The following KANK1 variants were observed in gnomAD, a reference collection of about 807,000 sequenced individuals.
KANK1 encodes KN motif and ankyrin repeat domains 1.
In KANK1, 109 loss-of-function variants were observed where a neutral mutation model predicts 106.2. That is an observed-to-expected ratio of 1.03 (90% CI 0.88 to 1.20). The LOEUF (loss-of-function observed/expected upper bound fraction) is 1.20. KANK1 is among the 50% of genes most tolerant of loss of function. KANK1 has a pLI of 0.00. For synonymous variants in KANK1, 873 were observed against 652.2 expected, an observed-to-expected ratio of 1.34 and a Z score of -5.16; for missense variants, 2,399 against 1,710.7, an observed-to-expected ratio of 1.40 and a Z score of -7.10.
chr9:669,752 C>T (rs759403802), intron 1 of KANK1, among the ~76,000 whole-genome samples: 3 of 151,956 alleles, frequency 2.0e-5, no homozygotes, highest in Admixed American at 6.6e-5. Context: ...CCTTCCTCTA[C>T]CTGGATATTT....
At position 745,790 on chromosome 9, in the gene KANK1, A is replaced by T. The variant is rs1837018466; in HGVS notation, c.*555A>T. 6.6e-6 allele frequency: 1 copy of T among 152,636 alleles called. No individual in the cohort carries two copies. The highest frequency in any genetic ancestry group is 2.4e-5 in the African/African-American group (1 of 41,422). The allele number at this position is 152,636 out of a possible 1,614,324, so 9.5% of individuals were successfully genotyped here. On this transcript the variant is annotated 3_prime_UTR_variant, in exon 12 of 12. Transcript: ENST00000382297. ...CATTTGGTCTTAACTAGGTAGATGT[A>T]ATATATGACTTTTTATAAAAAGGGT...
At chr9:647,079 T>C (rs116451836) in intron 1 of KANK1, among the ~76,000 whole-genome samples, 2,109 of 151,182 alleles carry the variant, frequency 0.014, 212 homozygotes, top group African/African-American at 0.049. Flanking sequence ...GCCATCCCCA[T>C]GACTTTGTTA....
chr9:492,376 C>T (rs903010177), intron 3 of KANK1: 3 of 152,164 alleles, frequency 2.0e-5, no homozygotes, highest in African/African-American at 7.2e-5. Flanking sequence ...TCGGTACTTA[C>T]GTGGATAGCT....
At chr9:526,128 A>T (rs1441723631) in intron 1 of KANK1, among the ~76,000 whole-genome samples, 1 of 151,748 alleles carries the variant, frequency 6.6e-6, no homozygotes, top group East Asian at 1.9e-4. Flanking sequence ...GATCTTAGTC[A>T]CTTTACAATT....
chr9:728,963 A>G (rs1831485490), intron 3 of KANK1, among the ~76,000 whole-genome samples: 1 of 152,218 alleles, frequency 6.6e-6, no homozygotes, highest in Non-Finnish European at 1.5e-5. Flanking sequence ...ACTAAAATGT[A>G]TAAAATTAAG....
At chr9:606,751 T>C (rs1829305322) in intron 1 of KANK1, among the ~76,000 whole-genome samples, 1 of 151,620 alleles carries the variant, frequency 6.6e-6, no homozygotes, top group Non-Finnish European at 1.5e-5. Flanking sequence ...AATTTTTATC[T>C]GTTTGTGGAG....
intron 1 of KANK1, among the ~76,000 whole-genome samples, chr9:579,315 AG>A (rs1821418240): frequency 6.6e-6 from 1 of 152,174 alleles, no homozygotes; most frequent in Non-Finnish European, 1.5e-5. Context: ...TTTGGCTTCT[AG>A]GAACAAAACA....
At chr9:641,410 T>C (rs1225084880) in intron 1 of KANK1, among the ~76,000 whole-genome samples, 1 of 152,224 alleles carries the variant, frequency 6.6e-6, no homozygotes, top group Non-Finnish European at 1.5e-5. Context: ...TTGGTGGTGA[T>C]CCTTGTTTCT....
intron 2 of KANK1, chr9:706,993 T>C (rs982928955): frequency 2.0e-6 from 2 of 985,390 alleles, no homozygotes; most frequent in African/African-American, 3.5e-5. Context: ...GATACCGGTT[T>C]CCTGTTTTCA....
intron 1 of KANK1, among the ~76,000 whole-genome samples, chr9:616,578 A>C (rs1175209393): frequency 6.6e-6 from 1 of 152,160 alleles, no homozygotes; most frequent in Non-Finnish European, 1.5e-5. Flanking sequence ...TATATCCTCT[A>C]TCCTTCCATC....
At chr9:624,722 C>T (rs558338665) in intron 1 of KANK1, among the ~76,000 whole-genome samples, 1 of 152,258 alleles carries the variant, frequency 6.6e-6, no homozygotes, top group South Asian at 2.1e-4. Context: ...TCACTTGAAC[C>T]TGGGAGGTGG....
chr9:677,331 TGAG>T (rs1004489034), intron 2 of KANK1, among the ~76,000 whole-genome samples: 6 of 152,204 alleles, frequency 3.9e-5, no homozygotes, highest in Non-Finnish European at 8.8e-5. Context: ...AGGGATTGAA[TGAG>T]GAGAGAGGAA....
At chr9:475,955 C>G (rs925510341) in intron 3 of KANK1, among the ~76,000 whole-genome samples, 8 of 151,872 alleles carry the variant, frequency 5.3e-5, no homozygotes, top group African/African-American at 1.9e-4. Context: ...TGGGTTCAAG[C>G]CATTCTCCTA....
intron 1 of KANK1, among the ~76,000 whole-genome samples, chr9:517,389 A>G (rs978241637): frequency 1.5e-4 from 23 of 151,840 alleles, no homozygotes; most frequent in African/African-American, 5.6e-4. Context: ...GGCGTGAGCC[A>G]CTGCGGCCCG....
intron 3 of KANK1, among the ~76,000 whole-genome samples, chr9:482,450 G>C (rs1466497542): frequency 1.3e-5 from 2 of 152,138 alleles, no homozygotes; most frequent in Non-Finnish European, 2.9e-5. Context: ...GCTGAGCCCA[G>C]GGCATGCATG....
chr9:503,492 G>GAA, upstream of KANK1, among the ~76,000 whole-genome samples: 1 of 152,318 alleles, frequency 6.6e-6, no homozygotes, highest in East Asian at 1.9e-4. Flanking sequence ...GTGAACTGTG[G>GAA]AAAAGCAGCG....
At chr9:619,813 G>T (rs1832709773) in intron 1 of KANK1, among the ~76,000 whole-genome samples, 2 of 152,106 alleles carry the variant, frequency 1.3e-5, no homozygotes, top group African/African-American at 4.8e-5. Context: ...TGGTGAGATT[G>T]TTTTTCCAAG....
At chr9:687,100 T>C (rs925165345) in intron 2 of KANK1, among the ~76,000 whole-genome samples, 9 of 152,140 alleles carry the variant, frequency 5.9e-5, no homozygotes, top group Non-Finnish European at 7.4e-5. Context: ...AGGAATGTTA[T>C]GAAACTCCAT....
rs1832143129 is a variant in KANK1, at chr9:731,175, A to G, written c.2914A>G (p.Ser972Gly). ...AGLYACTNNE[S>G]TLKSIMKKKD... ...TTTCACAGCATGTACAAACAATGAA[A>G]GTACACTGAAGTCCATCATGAAGAA... The change falls in exon 5 of 12, where the codon AGT becomes GGT. Residue 972 changes from serine (S) to glycine (G), a missense_variant. Coordinates refer to ENST00000382297, the MANE Select transcript of KANK1 (RefSeq NM_015158.5). 6.2e-7 allele frequency: 1 copy of G among 1,606,238 alleles called. No individual in the cohort carries two copies. Among genetic ancestry groups the G allele is most frequent in the Admixed American group, 1.7e-5 (1 of 59,808 alleles).
Sources: gnomAD v4.1 joint callset for allele counts (sites outside exome capture counted in the v4.1 genomes callset) on GRCh38, gnomAD v4.1.1 for gene constraint, MANE v1.5 for transcripts, NCBI Gene and HGNC (gene_info 2026-07-23, HGNC 2026-07-21) for gene names.